BCAT1: variants seen among roughly 807,000 people sequenced by gnomAD.
The protein encoded by BCAT1 is branched chain amino acid transaminase 1.
A neutral mutation model predicts 52.4 loss-of-function variants in BCAT1; 48 were observed. That is an observed-to-expected ratio of 0.92 (90% CI 0.73 to 1.16). BCAT1 has a LOEUF of 1.16. BCAT1 is among the 50% of genes most tolerant of loss of function. The pLI is 0.00. For synonymous variants in BCAT1, 167 were observed against 161.3 expected, an observed-to-expected ratio of 1.04 and a Z score of -0.27; for missense variants, 451 against 457.1, an observed-to-expected ratio of 0.99 and a Z score of 0.12.
intron 1 of BCAT1, among the ~76,000 whole-genome samples, chr12:24,928,503 G>A (rs1309621149): frequency 6.6e-6 from 1 of 151,976 alleles, no homozygotes; most frequent in Non-Finnish European, 1.5e-5. Context: ...AGCCGGGTGT[G>A]GTGGCACATG....
intron 1 of BCAT1, among the ~76,000 whole-genome samples, chr12:24,914,549 GAAAACAAAAGA>G (rs1440882880): frequency 2.0e-5 from 3 of 152,156 alleles, no homozygotes; most frequent in Non-Finnish European, 4.4e-5. Context: ...GCATTTCCAT[GAAAACAAAAGA>G]AAAACAAAGA....
At chr12:24,927,870 CA>C (rs966053544) in intron 1 of BCAT1, among the ~76,000 whole-genome samples, 4 of 152,166 alleles carry the variant, frequency 2.6e-5, no homozygotes, top group African/African-American at 9.7e-5. Context: ...CCTTCACACC[CA>C]CTTTCAAAAA....
At chr12:24,901,408 T>G (rs1341923485) in intron 2 of BCAT1, among the ~76,000 whole-genome samples, 2 of 152,148 alleles carry the variant, frequency 1.3e-5, no homozygotes, top group Non-Finnish European at 2.9e-5. Context: ...ACCCCGCAAT[T>G]CAGATAGAAA....
At chr12:24,859,980 GAT>G (rs796468957) in intron 5 of BCAT1, among the ~76,000 whole-genome samples, 7 of 152,180 alleles carry the variant, frequency 4.6e-5, no homozygotes, top group African/African-American at 1.7e-4. Flanking sequence ...CCTAAATTCT[GAT>G]ATGACTTAGT....
At chr12:24,860,587 A>G (rs912695100) in intron 5 of BCAT1, among the ~76,000 whole-genome samples, 5 of 152,224 alleles carry the variant, frequency 3.3e-5, no homozygotes, top group African/African-American at 9.6e-5. Flanking sequence ...ACAGGACACA[A>G]TTAGAGACAC....
chr12:24,919,771 G>T (rs530988502), intron 1 of BCAT1, among the ~76,000 whole-genome samples: 21 of 152,310 alleles, frequency 1.4e-4, no homozygotes, highest in Non-Finnish European at 4.4e-5. Context: ...GTAGCTCCAC[G>T]TGTTGTGGGA....
chr12:24,851,787 T>TAC (rs1941521019), intron 5 of BCAT1, among the ~76,000 whole-genome samples: 1 of 152,226 alleles, frequency 6.6e-6, no homozygotes, highest in African/African-American at 2.4e-5. Context: ...CTAAGCATAA[T>TAC]ACACACACCC....
intron 6 of BCAT1, among the ~76,000 whole-genome samples, chr12:24,849,332 C>T (rs2139461944): frequency 6.6e-6 from 1 of 152,370 alleles, no homozygotes; most frequent in Admixed American, 6.5e-5. Flanking sequence ...GACAGCACTT[C>T]AGTGAAGCGG....
intron 1 of BCAT1, among the ~76,000 whole-genome samples, chr12:24,915,709 G>T (rs142332596): frequency 6.6e-6 from 1 of 152,170 alleles, no homozygotes; most frequent in Admixed American, 6.5e-5. Context: ...TCTCAAAGTG[G>T]ATTACCCATG....
intron 1 of BCAT1, chr12:24,902,742 C>CTGCCCAGGT: frequency 1.3e-6 from 1 of 763,178 alleles, no homozygotes; most frequent in Non-Finnish European, 2.0e-6. Flanking sequence ...GCGGGAACCT[C>CTGCCCAGGT]GAAGAGGTGG....
chr12:24,933,603 C>A (rs564726187), intron 1 of BCAT1, among the ~76,000 whole-genome samples: 2 of 152,194 alleles, frequency 1.3e-5, no homozygotes, highest in East Asian at 3.9e-4. Context: ...GTGATTGGAT[C>A]TTGGGGGTGA....
chr12:24,836,111 G>A (rs1940913235), intron 8 of BCAT1, among the ~76,000 whole-genome samples: 1 of 152,132 alleles, frequency 6.6e-6, no homozygotes, highest in African/African-American at 2.4e-5. Context: ...CGGCAAGCAT[G>A]GTTACACTGG....
chr12:24,884,871 G>A (rs780085984), intron 3 of BCAT1, among the ~76,000 whole-genome samples: 19 of 152,142 alleles, frequency 1.2e-4, no homozygotes, highest in Admixed American at 3.3e-4. Context: ...TGTAGCAGAT[G>A]TATCTGATAA....
chr12:24,849,706 G>A, intron 6 of BCAT1, 80 bp downstream of exon 6: 1 of 1,408,688 alleles, frequency 7.1e-7, no homozygotes, highest in Non-Finnish European at 9.7e-7. Flanking sequence ...TATTATATGT[G>A]TTCATACTGA....
chr12:24,870,494 C>T (rs543311362), intron 5 of BCAT1, among the ~76,000 whole-genome samples: 11 of 152,256 alleles, frequency 7.2e-5, no homozygotes, highest in African/African-American at 2.4e-4. Context: ...CAGCAGTGAC[C>T]GCCATCAATA....
rs568743396 is a variant in BCAT1 at position 24,916,293 on chromosome 12, C to G, written c.7-14408G>C. ...AATATCTTGAGGTCCCTGGGCCTGT[C>G]AGAAAGTGACATTCTTTACTTATTG... On this transcript the variant is annotated intron_variant, in intron 1 of 10. Coordinates refer to ENST00000261192, the MANE Select transcript of BCAT1 (RefSeq NM_005504.7). Among the ~76,000 whole-genome samples the G allele has an allele frequency of 1.8e-4, 28 of 152,310 alleles. 1 individual carries two copies. Among genetic ancestry groups the G allele is most frequent in the African/African-American group, 5.5e-4 (23 of 41,562 alleles).
At chr12:24,913,175 A>T (rs1424756355) in intron 1 of BCAT1, among the ~76,000 whole-genome samples, 1 of 152,180 alleles carries the variant, frequency 6.6e-6, no homozygotes, top group African/African-American at 2.4e-5. Context: ...AGTTTTCAGA[A>T]GTCTGTCATT....
chr12:24,945,079 T>C (rs1565509837), intron 1 of BCAT1, among the ~76,000 whole-genome samples: 2 of 152,306 alleles, frequency 1.3e-5, no homozygotes, highest in East Asian at 3.9e-4. Context: ...AGGATATGAG[T>C]ACTCAATTTT....
chr12:24,941,392 CT>C (rs1330147416), intron 1 of BCAT1, among the ~76,000 whole-genome samples: 1 of 152,186 alleles, frequency 6.6e-6, no homozygotes, highest in Admixed American at 6.5e-5. Flanking sequence ...AAATACTTTA[CT>C]GTTCTCTGTG....
Sources: allele counts gnomAD v4.1 joint callset (sites outside exome capture counted in the v4.1 genomes callset), GRCh38; gene constraint gnomAD v4.1.1; transcripts MANE v1.5; gene names NCBI Gene and HGNC (gene_info 2026-07-23, HGNC 2026-07-21).